Variants in TMEM117 observed in about 807,000 individuals in gnomAD.
The protein encoded by TMEM117 is transmembrane protein 117.
A neutral mutation model predicts 52.4 loss-of-function variants in TMEM117; 27 were observed. The ratio of observed to expected loss-of-function variants is 0.51; its 90% CI spans 0.38 to 0.71. The LOEUF (loss-of-function observed/expected upper bound fraction) is 0.71, where lower values mean the gene tolerates loss of function less well. TMEM117 is among the 30% of genes least tolerant of loss of function. The pLI is 0.00. For synonymous variants in TMEM117, 215 were observed against 206.3 expected (o/e 1.04, Z -0.36); for missense variants, 556 against 630.5 (o/e 0.88, Z 1.26).
intron 3 of TMEM117, among the ~76,000 whole-genome samples, chr12:44,021,971 G>A (rs1946462706): frequency 6.6e-6 from 1 of 152,158 alleles, no homozygotes; most frequent in Non-Finnish European, 1.5e-5. Context: ...TACCACATAT[G>A]TGTAATATAT....
chr12:44,128,039 T>G (rs1482965589), intron 3 of TMEM117, among the ~76,000 whole-genome samples: 1 of 152,238 alleles, frequency 6.6e-6, no homozygotes, highest in Non-Finnish European at 1.5e-5. Flanking sequence ...AGGTAGATGT[T>G]GGGATACAGG....
chr12:44,265,491 G>A (rs552867147), intron 5 of TMEM117, among the ~76,000 whole-genome samples: 22 of 152,172 alleles, frequency 1.4e-4, no homozygotes, highest in Non-Finnish European at 2.9e-4. Flanking sequence ...CTATGTCAGT[G>A]GTTTGGGTGA....
chr12:44,211,507 T>G, intron 5 of TMEM117, 120 bp downstream of exon 5: 18 of 613,768 alleles, frequency 2.9e-5, no homozygotes, highest in East Asian at 5.8e-5. Context: ...TGGTAGCTAC[T>G]ATGCTCCATT....
the TMEM117 span, chr12:43,806,524 G>C: frequency 5.9e-6 from 3 of 509,196 alleles, no homozygotes; most frequent in African/African-American, 2.0e-5. Flanking sequence ...GCTTCTTCCG[G>C]GGGGGACATG....
chr12:44,351,451 T>G (rs555412163), intron 6 of TMEM117, among the ~76,000 whole-genome samples: 14 of 152,094 alleles, frequency 9.2e-5, no homozygotes, highest in African/African-American at 3.4e-4. Context: ...GTCTTGGTGA[T>G]TTTCCCCAAT....
intron 6 of TMEM117, among the ~76,000 whole-genome samples, chr12:44,349,287 C>A (rs1951531707): frequency 6.6e-6 from 1 of 151,968 alleles, no homozygotes; most frequent in African/African-American, 2.4e-5. Flanking sequence ...TTCTCCAGGG[C>A]TTCTGTCATA....
intron 3 of TMEM117, among the ~76,000 whole-genome samples, chr12:44,038,449 A>T (rs1565802581): frequency 6.6e-6 from 1 of 152,254 alleles, no homozygotes; most frequent in Non-Finnish European, 1.5e-5. Flanking sequence ...TAAGCACCCC[A>T]CCACAGCCAG....
At chr12:44,114,587 A>T (rs1369221573) in intron 3 of TMEM117, among the ~76,000 whole-genome samples, 1 of 152,190 alleles carries the variant, frequency 6.6e-6, no homozygotes, top group Non-Finnish European at 1.5e-5. Context: ...TTTGTTCAGT[A>T]GCCTCTGAAA....
At chr12:43,883,223 T>A (rs929768541) in intron 2 of TMEM117, among the ~76,000 whole-genome samples, 3 of 152,198 alleles carry the variant, frequency 2.0e-5, no homozygotes, top group Non-Finnish European at 4.4e-5. Flanking sequence ...CCTATTACAT[T>A]TTCTCAAGAA....
chr12:44,095,649 C>T (rs746025369), intron 3 of TMEM117, among the ~76,000 whole-genome samples: 10 of 152,118 alleles, frequency 6.6e-5, no homozygotes, highest in South Asian at 2.1e-4. Flanking sequence ...AGAAAAAGCT[C>T]GGTTCAAAGT....
chr12:44,167,630 G>T (rs561829147), intron 4 of TMEM117, among the ~76,000 whole-genome samples: 9 of 152,174 alleles, frequency 5.9e-5, no homozygotes, highest in Admixed American at 3.3e-4. Flanking sequence ...TTGCACCACT[G>T]CACTCCAGCT....
intron 3 of TMEM117, among the ~76,000 whole-genome samples, chr12:44,001,264 A>G (rs965473282): frequency 6.6e-6 from 1 of 152,226 alleles, no homozygotes; most frequent in African/African-American, 2.4e-5. Flanking sequence ...CAGAGAGTGT[A>G]TATAGATACC....
chr12:43,796,523 C>A, the TMEM117 span, among the ~76,000 whole-genome samples: 6,100 of 152,106 alleles, frequency 0.04, 167 homozygotes, highest in Non-Finnish European at 0.063. Context: ...GGAAAGACTC[C>A]CAACCATCCC....
At chr12:44,129,628 A>G (rs184632464) in intron 3 of TMEM117, among the ~76,000 whole-genome samples, 27 of 152,288 alleles carry the variant, frequency 1.8e-4, no homozygotes, top group Admixed American at 1.4e-3. Flanking sequence ...ATAAATTTTT[A>G]TGGGTCTTTC....
At chr12:43,832,553 T>C (rs767543509), upstream of TMEM117, among the ~76,000 whole-genome samples, 8 of 152,212 alleles carry the variant, frequency 5.3e-5, no homozygotes, top group Non-Finnish European at 7.3e-5. Flanking sequence ...GGGATTCCTA[T>C]TGTAATTTTT....
chr12:44,378,473 G>A (rs1951973647), intron 7 of TMEM117, among the ~76,000 whole-genome samples: 1 of 152,128 alleles, frequency 6.6e-6, no homozygotes. Context: ...GGCTATGCAT[G>A]CAGAGTCCCT....
chr12:44,264,496 G>A (rs1238376653), intron 5 of TMEM117, among the ~76,000 whole-genome samples: 2 of 152,136 alleles, frequency 1.3e-5, no homozygotes, highest in African/African-American at 4.8e-5. Context: ...GACTGGAGAA[G>A]GCTACTCACA....
At chr12:43,913,105 ATATGGCCCTGTC>A (rs1308200496) in intron 2 of TMEM117, among the ~76,000 whole-genome samples, 2 of 152,200 alleles carry the variant, frequency 1.3e-5, no homozygotes, top group Non-Finnish European at 2.9e-5. Flanking sequence ...TCTGTTGAAC[ATATGGCCCTGTC>A]AAATGCACAT....
intron 5 of TMEM117, among the ~76,000 whole-genome samples, chr12:44,268,769 A>G (rs1950411142): frequency 6.6e-6 from 1 of 152,126 alleles, no homozygotes. Context: ...GCACTATTTT[A>G]TATTGAAATT....
Sources: gnomAD v4.1 joint callset for allele counts (sites outside exome capture counted in the v4.1 genomes callset) on GRCh38, gnomAD v4.1.1 for gene constraint, MANE v1.5 for transcripts, NCBI Gene and HGNC (gene_info 2026-07-23, HGNC 2026-07-21) for gene names.